The following KLF17 variants were observed in gnomAD, a reference collection of about 807,000 sequenced individuals.
The protein encoded by KLF17 is KLF transcription factor 17, also known as Krueppel-like factor 17.
Under a neutral mutation model 34.2 loss-of-function variants are expected in KLF17, and 31 were observed. That is an observed-to-expected ratio of 0.91 (90% CI 0.68 to 1.22). The LOEUF is 1.22. Ranked by LOEUF, KLF17 falls within the 50% of genes most tolerant of loss-of-function variation. KLF17 has a pLI of 0.00. For synonymous variants in KLF17, 179 were observed against 186.7 expected (o/e 0.96, Z 0.34); for missense variants, 478 against 505.2 (o/e 0.95, Z 0.52).
the KLF17 span, among the ~76,000 whole-genome samples, chr1:44,068,685 A>G: frequency 6.6e-6 from 1 of 152,196 alleles, no homozygotes; most frequent in Non-Finnish European, 1.5e-5. Flanking sequence ...CCTCACAGGA[A>G]GCTTTAACCC....
chr1:44,090,333 A>AAAAAAAG, the KLF17 span, among the ~76,000 whole-genome samples: 1 of 141,200 alleles, frequency 7.1e-6, no homozygotes, highest in South Asian at 2.2e-4. Flanking sequence ...AAAAAAAAAA[A>AAAAAAAG]AAAAGAAAAG....
chr1:44,104,782 T>A, the KLF17 span: 1 of 232,742 alleles, frequency 4.3e-6, no homozygotes, highest in African/African-American at 2.3e-5. Context: ...TGTGATATAT[T>A]TATACGATGG....
chr1:44,107,700 G>T, the KLF17 span, among the ~76,000 whole-genome samples: 1 of 152,036 alleles, frequency 6.6e-6, no homozygotes, highest in Non-Finnish European at 1.5e-5. Flanking sequence ...AACTGTTGCG[G>T]TATCACAGTG....
chr1:44,103,188 G>C, the KLF17 span: 105,623 of 604,118 alleles, frequency 0.17, 10,403 homozygotes, highest in Admixed American at 0.21. Flanking sequence ...TGGGCTGAGG[G>C]CTAGGGCTGA....
At chr1:44,122,398 G>A in intron 1 of KLF17, 1 of 1,595,332 alleles carries the variant, frequency 6.3e-7, no homozygotes, top group Admixed American at 1.7e-5. Flanking sequence ...GCTTTAAGAT[G>A]TGTATTCATG....
chr1:44,114,351 C>G (rs180968154), upstream of KLF17: 1 of 152,114 alleles, frequency 6.6e-6, no homozygotes, highest in African/African-American at 2.4e-5. Flanking sequence ...TGGCATGGTT[C>G]GAAACATATC....
the KLF17 span, among the ~76,000 whole-genome samples, chr1:44,079,919 T>G: frequency 6.6e-6 from 1 of 151,330 alleles, no homozygotes; most frequent in African/African-American, 2.4e-5. Flanking sequence ...CACTAATCCC[T>G]CCATGTCTTT....
chr1:44,077,130 A>C, the KLF17 span, among the ~76,000 whole-genome samples: 2 of 151,792 alleles, frequency 1.3e-5, no homozygotes, highest in East Asian at 3.9e-4. Context: ...AGATTAGTTT[A>C]GATCAGGAGT....
At chr1:44,096,241 C>A in the KLF17 span, among the ~76,000 whole-genome samples, 6 of 152,036 alleles carry the variant, frequency 3.9e-5, no homozygotes, top group Non-Finnish European at 7.4e-5. Context: ...TGCACCTGGC[C>A]TTGGTGGTCT....
chr1:44,062,772 A>C, the KLF17 span, among the ~76,000 whole-genome samples: 1 of 151,942 alleles, frequency 6.6e-6, no homozygotes. Flanking sequence ...AAAACGAGGA[A>C]CCTCTTACAT....
In KLF17 at chr1:44,130,773, C is replaced by T. The variant is rs2088099741; in HGVS notation, c.*17C>T. 1.2e-6 allele frequency: 2 copies of T among 1,609,998 alleles called. No homozygotes were observed. The highest frequency in any genetic ancestry group is 1.7e-4 in the Middle Eastern group (1 of 6,042). ...GGTCCTTAGGTCAGTCTCCTCTCCT[C>T]ATTCTGGGTTTTCTTTTTCCTTTTT... On this transcript the variant is annotated intron_variant, in intron 3 of 3. Transcript: ENST00000372299.
chr1:44,129,345 T>TC lies in KLF17; in HGVS notation c.82-4dup. 1 of 1,505,632 alleles carries TC rather than the reference T, an allele frequency of 6.6e-7. No homozygotes were observed. Among genetic ancestry groups the TC allele is most frequent in the Non-Finnish European group, 8.9e-7 (1 of 1,127,500 alleles). 93.3% of individuals were successfully genotyped at this position (1,505,632 alleles called of 1,614,324 possible). A position where few individuals can be genotyped will look rare whatever the true frequency, so the allele number is the denominator to read the frequency against. Reference sequence around the variant, plus strand: ...TGAGCAAAAATCACCTGACTCTTTTTCCCCAAGGATAACGAGAACTCAGCG... The same window carrying TC: ...TGAGCAAAAATCACCTGACTCTTTTTCCCCCAAGGATAACGAGAACTCAGCG... On this transcript the variant is annotated splice_polypyrimidine_tract_variant and splice_region_variant and intron_variant, in intron 1 of 3. Transcript: ENST00000372299.
the KLF17 span, among the ~76,000 whole-genome samples, chr1:44,068,044 G>A: frequency 0.025 from 3,757 of 151,812 alleles, 175 homozygotes; most frequent in African/African-American, 0.087. Flanking sequence ...TTCTCTTTTT[G>A]AGACAGAGTT....
the KLF17 span, among the ~76,000 whole-genome samples, chr1:44,091,409 A>G: frequency 1.3e-5 from 2 of 152,042 alleles, no homozygotes; most frequent in African/African-American, 2.4e-5. Context: ...TAATCCCAGC[A>G]CTTTGAGAGC....
rs763841467 is a variant in KLF17 at position 44,130,581 on chromosome 1, G to T, written c.995G>T (p.Arg332Leu). The T allele has an allele frequency of 6.2e-7, 1 of 1,613,922 alleles. No individual in the cohort carries two copies. The highest frequency in any genetic ancestry group is 1.3e-5 in the African/African-American group (1 of 74,856). The change falls in exon 3 of 4, where the codon CGA becomes CTA. Residue 332 changes from arginine (R) to leucine (L), a missense_variant. Physicochemically the swap from Arg to Leu is moderately radical, Grantham distance 102. Transcript: ENST00000372299. ...WSFFRSDELR[R>L]HMRVHTRYRP... ...TTCTTCCGTTCTGATGAGCTTAGAC[G>T]ACATATGCGGGTACACACCAGATAT... is the stretch of plus-strand genomic sequence containing the variant.
upstream of KLF17, among the ~76,000 whole-genome samples, chr1:44,117,586 C>A (rs566991312): frequency 6.6e-6 from 1 of 151,734 alleles, no homozygotes; most frequent in Non-Finnish European, 1.5e-5. Flanking sequence ...ACCTCCACCA[C>A]CCGGATTCAA....
the KLF17 span, among the ~76,000 whole-genome samples, chr1:44,099,866 A>G: frequency 1.3e-3 from 86 of 64,520 alleles, no homozygotes; most frequent in Non-Finnish European, 1.8e-3. Flanking sequence ...AGAAAGAAAG[A>G]AAGAAAGAAA....
intron 1 of KLF17, among the ~76,000 whole-genome samples, chr1:44,128,741 G>A (rs148397999): frequency 5.0e-4 from 76 of 152,226 alleles, no homozygotes; most frequent in African/African-American, 1.8e-3. Context: ...GGCCAGGCGC[G>A]GTGGCTCACG....
the KLF17 span, among the ~76,000 whole-genome samples, chr1:44,086,860 G>C: frequency 2.0e-5 from 3 of 152,206 alleles, no homozygotes; most frequent in Admixed American, 6.5e-5. Flanking sequence ...CATGTATAAA[G>C]AGGGAGGAAA....
Sources: allele counts gnomAD v4.1 joint callset (sites outside exome capture counted in the v4.1 genomes callset), GRCh38; gene constraint gnomAD v4.1.1; transcripts MANE v1.5; gene names NCBI Gene and HGNC (gene_info 2026-07-23, HGNC 2026-07-21).